The following CACNA1G variants were observed in gnomAD, a reference collection of about 807,000 sequenced individuals.
The protein encoded by CACNA1G is voltage-dependent T-type calcium channel subunit alpha-1G.
CACNA1G carries 67 observed loss-of-function variants against 219.4 expected under a neutral mutation model. That is an observed-to-expected ratio of 0.31 (90% CI 0.25 to 0.37). CACNA1G has a LOEUF of 0.37. Ranked by LOEUF, CACNA1G falls within the 10% of genes least tolerant of loss-of-function variation. The probability of loss-of-function intolerance (pLI) is 1.00; values close to 1 mark genes in which losing one functional copy is unlikely to be tolerated. For missense variants in CACNA1G, 2,380 were observed against 3,231.4 expected (o/e 0.74, Z 6.39); for synonymous variants, 1,296 against 1,345.3 (o/e 0.96, Z 0.80).
At position 50,609,953 on chromosome 17, in the gene CACNA1G, T is replaced by G. The variant is rs745611565; in HGVS notation, c.4759+18T>G. ...TGCGTCAGGTACTGCGTCTGGGGTG[T>G]GGGCTCATGCGTGTGGGGACATGCT... On this transcript the variant is annotated intron_variant, in intron 26 of 37. Transcript: ENST00000359106. 6.2e-7 allele frequency: 1 copy of G among 1,606,632 alleles called. No homozygotes were observed. The highest frequency in any genetic ancestry group is 1.7e-5 in the Admixed American group (1 of 60,006).
intron 34 of CACNA1G, 42 bp downstream of exon 34, chr17:50,619,868 T>C (rs1567773497): frequency 1.9e-6 from 3 of 1,554,616 alleles, no homozygotes; most frequent in Non-Finnish European, 2.6e-6. Flanking sequence ...CTGACCGTGC[T>C]GGGCTGTGCC....
At chr17:50,584,530 C>T (rs952189895) in intron 9 of CACNA1G, among the ~76,000 whole-genome samples, 5 of 127,490 alleles carry the variant, frequency 3.9e-5, no homozygotes, top group Admixed American at 2.0e-4. Context: ...CTTTTAGGCA[C>T]GGGGGAAGGA....
chr17:50,590,165 C>T (rs1281912281), intron 9 of CACNA1G, among the ~76,000 whole-genome samples: 1 of 152,180 alleles, frequency 6.6e-6, no homozygotes, highest in African/African-American at 2.4e-5. Flanking sequence ...GGCCATGCAG[C>T]TCCCAGCAGG....
rs1039946649 is a variant in CACNA1G at position 50,618,505 on chromosome 17, C to T, written c.5428-150C>T. ...TCTCCCAGGAACATGCTCTGACTCA[C>T]ACTTGTAGTGCTCCTCTGCCCCCAA... On this transcript the variant is annotated intron_variant, in intron 32 of 37. Coordinates refer to ENST00000359106, the MANE Select transcript of CACNA1G (RefSeq NM_018896.5). The surrounding 1 kb of genome is among the most constrained non-coding windows in gnomAD (Gnocchi z 5.3). 1.9e-6 allele frequency: 2 copies of T among 1,076,352 alleles called. No homozygotes were observed. Among genetic ancestry groups the T allele is most frequent in the Non-Finnish European group, 1.4e-6 (1 of 728,040 alleles). 66.7% of individuals were successfully genotyped at this position (1,076,352 alleles called of 1,614,324 possible). A position where few individuals can be genotyped will look rare whatever the true frequency, so the allele number is the denominator to read the frequency against.
Position 50,596,468 on chromosome 17 carries a change from T to C in CACNA1G, c.2980-94T>C. 2 of 949,992 alleles carry C rather than the reference T, an allele frequency of 2.1e-6. No individual in the cohort carries two copies. The highest frequency in any genetic ancestry group is 3.4e-6 in the Non-Finnish European group (2 of 589,672). The allele number at this position is 949,992 out of a possible 1,614,324, so 58.8% of individuals were successfully genotyped here. ...TGGTTGCTGGTTCCTGTGGCCTATA[T>C]GTGGTGTGCGTGTGTGAAGAGAGGG... is the stretch of plus-strand genomic sequence containing the variant. On this transcript the variant is annotated intron_variant, in intron 14 of 37. Coordinates refer to ENST00000359106, the MANE Select transcript of CACNA1G (RefSeq NM_018896.5). The surrounding 1 kb of genome is among the most constrained non-coding windows in gnomAD (Gnocchi z 4.8).
chr17:50,626,433 C>T lies in CACNA1G; in HGVS notation c.6816C>T (p.Val2272=), dbSNP rs2022047626. ...AGCAGAGGAGACACTCTATCGCCGT[C>T]AGCTGCCTGGACAGCGGCTCCCAAC... The part of the protein sequence containing the change: ...LDEQRRHSIA[V]SCLDSGSQPH... Residue 2272 remains valine (V), a synonymous_variant, in exon 38 of 38, where the codon GTC becomes GTT. Coordinates refer to ENST00000359106, the MANE Select transcript of CACNA1G (RefSeq NM_018896.5). The surrounding 1 kb of genome is among the most constrained non-coding windows in gnomAD (Gnocchi z 4.3). 1 of 1,608,000 alleles carries T rather than the reference C, an allele frequency of 6.2e-7. No homozygotes were observed. Among genetic ancestry groups the T allele is most frequent in the African/African-American group, 1.3e-5 (1 of 74,780 alleles).
intron 25 of CACNA1G, among the ~76,000 whole-genome samples, chr17:50,608,525 GATAT>G (rs3063068): frequency 2.2e-3 from 316 of 141,610 alleles, no homozygotes; most frequent in African/African-American, 5.7e-3. Flanking sequence ...TTTCTACCAT[GATAT>G]ATATATATAT....
At position 50,608,834 on chromosome 17, in the gene CACNA1G, C is replaced by T. The variant is rs185152849; in HGVS notation, c.4705+815C>T. Among the ~76,000 whole-genome samples the T allele has an allele frequency of 1.4e-3, 209 of 152,292 alleles. 1 individual carries two copies. Among genetic ancestry groups the T allele is most frequent in the African/African-American group, 4.7e-3 (196 of 41,568 alleles). The stretch of plus-strand genomic sequence containing the variant: ...TTTGTTTCTGGGGCATCCCCAGATG[C>T]GTCTGCACCTGTCTCCCTCTCTCCC... On this transcript the variant is annotated intron_variant, in intron 25 of 37. Coordinates refer to ENST00000359106, the MANE Select transcript of CACNA1G (RefSeq NM_018896.5).
chr17:50,576,112 G>A lies in CACNA1G; in HGVS notation c.1710G>A (p.Ala570=), dbSNP rs753452374. 11 of 1,597,718 alleles carry A rather than the reference G, an allele frequency of 6.9e-6. No individual in the cohort carries two copies. Among genetic ancestry groups the A allele is most frequent in the African/African-American group, 1.3e-5 (1 of 74,512 alleles). ...ACTTAGAGCCAGTCCGCTGCCAGGC[G>A]CCCCCTCCCAGGTCCCCATCTGAGG... ...DCHLEPVRCQ[A]PPPRSPSEAS... is the part of the protein sequence containing the mutation. Residue 570 remains alanine (A), a synonymous_variant, in exon 8 of 38, where the codon GCG becomes GCA. Transcript: ENST00000359106.
intron 9 of CACNA1G, among the ~76,000 whole-genome samples, chr17:50,582,870 G>A (rs993765589): frequency 3.3e-5 from 5 of 152,084 alleles, no homozygotes; most frequent in African/African-American, 1.2e-4. Context: ...AGAGAGGACA[G>A]GGCAGGTGAT....
rs2046373217 is a variant in CACNA1G, at chr17:50,600,357, C to G, written c.3691-369C>G. Among the ~76,000 whole-genome samples the G allele has an allele frequency of 6.6e-6, 1 of 152,160 alleles. No homozygotes were observed. Among genetic ancestry groups the G allele is most frequent in the South Asian group, 2.1e-4 (1 of 4,830 alleles). The stretch of plus-strand genomic sequence containing the variant: ...CAGTGTCTCCTCAGCTGAGGTGTGT[C>G]TCTGAACAGACAGCTGTGTGGGGCC... On this transcript the variant is annotated intron_variant, in intron 17 of 37. Coordinates refer to ENST00000359106, the MANE Select transcript of CACNA1G (RefSeq NM_018896.5). The surrounding 1 kb of genome is among the most constrained non-coding windows in gnomAD (Gnocchi z 4.1).
Position 50,591,631 on chromosome 17 carries a change from C to A in CACNA1G, c.2639+11C>A. The A allele has an allele frequency of 6.2e-7, 1 of 1,612,282 alleles. No homozygotes were observed. Among genetic ancestry groups the A allele is most frequent in the Non-Finnish European group, 8.5e-7 (1 of 1,178,890 alleles). ...CATCTTCATCTTCAGGTGAGGGCGG[C>A]ATGGCACCTTGCCGGCTGAGAGACC... On this transcript the variant is annotated intron_variant, in intron 11 of 37. Transcript: ENST00000359106.
chr17:50,619,206 C>A (rs1036614327), intron 33 of CACNA1G, among the ~76,000 whole-genome samples, 198 bp downstream of exon 33: 1 of 152,196 alleles, frequency 6.6e-6, no homozygotes, highest in African/African-American at 2.4e-5. Context: ...CAGGGCCACC[C>A]CAGCAGACGG....
intron 37 of CACNA1G, 144 bp from the exon 38 acceptor site, chr17:50,625,873 G>A: frequency 2.4e-6 from 2 of 825,270 alleles, no homozygotes; most frequent in South Asian, 1.9e-5. Context: ...CTATCTACTA[G>A]TAAGAGCGGC....
At position 50,618,835 on chromosome 17, in the gene CACNA1G, G is replaced by A; in HGVS notation, c.5608G>A (p.Glu1870Lys). The change falls in exon 33 of 38, where the codon GAG becomes AAG. Residue 1870 changes from glutamate (E) to lysine (K), a missense_variant. Coordinates refer to ENST00000359106, the MANE Select transcript of CACNA1G (RefSeq NM_018896.5). This position sits in a 1 kb window ranked among gnomAD's most constrained non-coding sequence, Gnocchi z 5.3. The part of the protein sequence containing the change: ...EAKEEAELEA[E>K]LELEMKTLSP... The stretch of plus-strand genomic sequence containing the variant: ...CAAGGAGGAGGCCGAGCTAGAGGCT[G>A]AGCTGGAGCTGGAGATGAAGACCCT... The A allele has an allele frequency of 6.2e-7, 1 of 1,613,774 alleles. No homozygotes were observed. The highest frequency in any genetic ancestry group is 8.5e-7 in the Non-Finnish European group (1 of 1,179,870).
intron 9 of CACNA1G, among the ~76,000 whole-genome samples, chr17:50,587,758 C>G (rs932414773): frequency 1.3e-5 from 2 of 152,288 alleles, no homozygotes; most frequent in South Asian, 2.1e-4. Flanking sequence ...GGGGTTCCAG[C>G]CTTTGCTGGC....
chr17:50,606,119 G>GCCCAC, intron 23 of CACNA1G, 96 bp downstream of exon 23: 1 of 1,504,762 alleles, frequency 6.6e-7, no homozygotes, highest in Non-Finnish European at 9.3e-7. Flanking sequence ...GTGGAGGTGG[G>GCCCAC]CTCCACGAAG....
chr17:50,614,159 G>A (rs572948912), intron 26 of CACNA1G, among the ~76,000 whole-genome samples: 41 of 152,298 alleles, frequency 2.7e-4, no homozygotes, highest in Non-Finnish European at 5.1e-4. Flanking sequence ...ACCCCAGGCC[G>A]CTCCTTGCCT....
intron 36 of CACNA1G, 51 bp downstream of exon 36, chr17:50,624,126 T>C: frequency 1.3e-6 from 2 of 1,585,238 alleles, no homozygotes; most frequent in Non-Finnish European, 1.7e-6. Flanking sequence ...GATTCCATCC[T>C]GGCCTAAGCC....
Sources: gnomAD v4.1 joint callset for allele counts (sites outside exome capture counted in the v4.1 genomes callset) on GRCh38, gnomAD v4.1.1 for gene constraint, Gnocchi (gnomAD v3.1) non-coding constraint, MANE v1.5 for transcripts, NCBI Gene and HGNC (gene_info 2026-07-23, HGNC 2026-07-21) for gene names.